Variants in AFG2A observed in about 807,000 individuals in gnomAD.
The protein encoded by AFG2A is AAA ATPase AFG2A, also known as ATPase family gene 2 protein homolog A.
At chr4:123,152,491 T>C in the AFG2A span, among the ~76,000 whole-genome samples, 1 of 152,176 alleles carries the variant, frequency 6.6e-6, no homozygotes, top group Non-Finnish European at 1.5e-5. Context: ...GATATCCACA[T>C]ATCAAATAAG....
the AFG2A span, among the ~76,000 whole-genome samples, chr4:123,232,247 C>T: frequency 2.6e-5 from 4 of 151,688 alleles, no homozygotes; most frequent in South Asian, 2.1e-4. Context: ...ACAGTGAAGA[C>T]GAAGAAAAAG....
chr4:123,255,973 G>C, the AFG2A span: 1 of 1,610,024 alleles, frequency 6.2e-7, no homozygotes, highest in Non-Finnish European at 8.5e-7. Flanking sequence ...TGGAATGTCA[G>C]TTCTGAGCCC....
chr4:123,202,683 T>C, the AFG2A span, among the ~76,000 whole-genome samples: 3 of 152,200 alleles, frequency 2.0e-5, no homozygotes, highest in Non-Finnish European at 2.9e-5. Context: ...GTGTGTGCAA[T>C]GCAATTTGAC....
At chr4:123,275,270 G>A in the AFG2A span, among the ~76,000 whole-genome samples, 6 of 152,188 alleles carry the variant, frequency 3.9e-5, no homozygotes, top group Admixed American at 3.9e-4. Flanking sequence ...CCCTGTAGGT[G>A]GTGAAGAGGA....
At chr4:123,272,860 G>A in the AFG2A span, among the ~76,000 whole-genome samples, 1 of 152,140 alleles carries the variant, frequency 6.6e-6, no homozygotes, top group South Asian at 2.1e-4. Context: ...TAGTGGTGGG[G>A]GCAGGGTATA....
At chr4:123,071,000 T>C in the AFG2A span, among the ~76,000 whole-genome samples, 1 of 152,244 alleles carries the variant, frequency 6.6e-6, no homozygotes, top group Admixed American at 6.5e-5. Context: ...AAGCATTTAA[T>C]CTGCTTAAAT....
the AFG2A span, among the ~76,000 whole-genome samples, chr4:123,273,984 G>C: frequency 6.6e-6 from 1 of 152,056 alleles, no homozygotes; most frequent in Non-Finnish European, 1.5e-5. Context: ...CTATGTTAGA[G>C]GCCTTGTCCA....
the AFG2A span, among the ~76,000 whole-genome samples, chr4:123,099,389 G>T: frequency 6.6e-6 from 1 of 151,590 alleles, no homozygotes; most frequent in Non-Finnish European, 1.5e-5. Flanking sequence ...TTCTTTTGTT[G>T]TCTGTGCTTT....
the AFG2A span, among the ~76,000 whole-genome samples, chr4:123,218,640 TATACATACATACATACATAC>T: frequency 2.9e-4 from 43 of 147,820 alleles, no homozygotes; most frequent in East Asian, 2.0e-4. Context: ...CATAAACACA[TATACATACATACATACATAC>T]ATACATACAT....
chr4:123,157,325 C>T, the AFG2A span, among the ~76,000 whole-genome samples: 1 of 152,016 alleles, frequency 6.6e-6, no homozygotes, highest in African/African-American at 2.4e-5. Context: ...CACCCAGCCT[C>T]TACAAGCTTT....
chr4:123,120,679 A>C, the AFG2A span, among the ~76,000 whole-genome samples: 1 of 152,202 alleles, frequency 6.6e-6, no homozygotes, highest in Non-Finnish European at 1.5e-5. Context: ...CACTGTAGCC[A>C]TCATAATGTC....
chr4:122,977,312 G>C, the AFG2A span, among the ~76,000 whole-genome samples: 9 of 152,330 alleles, frequency 5.9e-5, no homozygotes, highest in African/African-American at 1.9e-4. Context: ...CAGGCGCAGA[G>C]CAGTGAAGGG....
At chr4:123,311,319 T>C in the AFG2A span, among the ~76,000 whole-genome samples, 26 of 152,182 alleles carry the variant, frequency 1.7e-4, no homozygotes, top group Non-Finnish European at 2.8e-4. Flanking sequence ...CAACAACTTA[T>C]AGCTCATAGA....
At chr4:122,976,655 A>G in the AFG2A span, among the ~76,000 whole-genome samples, 2 of 152,144 alleles carry the variant, frequency 1.3e-5, no homozygotes, top group African/African-American at 4.8e-5. Flanking sequence ...ATAATATCAA[A>G]TCTTACATGT....
chr4:123,163,207 G>A, the AFG2A span, among the ~76,000 whole-genome samples: 5 of 152,138 alleles, frequency 3.3e-5, no homozygotes, highest in Non-Finnish European at 7.4e-5. Flanking sequence ...AGGCCGAGGC[G>A]GGTGGATCAC....
At chr4:122,925,762 C>T in the AFG2A span, among the ~76,000 whole-genome samples, 1 of 152,190 alleles carries the variant, frequency 6.6e-6, no homozygotes, top group Non-Finnish European at 1.5e-5. Flanking sequence ...TATTTTACAG[C>T]TATCCACTGA....
the AFG2A span, among the ~76,000 whole-genome samples, chr4:123,261,573 C>G: frequency 6.6e-6 from 1 of 152,068 alleles, no homozygotes; most frequent in African/African-American, 2.4e-5. Flanking sequence ...GGGACTTCAG[C>G]ATCCTTGGAT....
the AFG2A span, among the ~76,000 whole-genome samples, chr4:123,151,763 G>A: frequency 6.6e-6 from 1 of 152,118 alleles, no homozygotes; most frequent in African/African-American, 2.4e-5. Flanking sequence ...ATTTGACCTA[G>A]CAATTCCATT....
chr4:123,115,241 G>A, the AFG2A span, among the ~76,000 whole-genome samples: 1 of 151,998 alleles, frequency 6.6e-6, no homozygotes, highest in African/African-American at 2.4e-5. Context: ...AGACCCTGCC[G>A]GGGGGCACCT....
Sources: allele counts gnomAD v4.1 joint callset (sites outside exome capture counted in the v4.1 genomes callset), GRCh38; gene constraint gnomAD v4.1.1; transcripts MANE v1.5; gene names NCBI Gene and HGNC (gene_info 2026-07-23, HGNC 2026-07-21).